Variants in DPP6 observed in about 807,000 individuals in gnomAD.
DPP6 encodes the protein dipeptidyl peptidase like 6.
DPP6 carries 69 observed loss-of-function variants against 122.6 expected under a neutral mutation model. The observed-to-expected ratio is 0.56, with a 90% CI of 0.46 to 0.69. DPP6 has a LOEUF of 0.69. DPP6 is among the 30% of genes least tolerant of loss of function. The pLI, the probability that DPP6 is intolerant of heterozygous loss-of-function variation, is 0.00. For synonymous variants in DPP6, 418 were observed against 433.1 expected (o/e 0.97, Z 0.43); for missense variants, 928 against 1,116.9 (o/e 0.83, Z 2.41).
chr7:153,832,467 A>G, the DPP6 span, among the ~76,000 whole-genome samples: 1 of 152,216 alleles, frequency 6.6e-6, no homozygotes, highest in South Asian at 2.1e-4. Context: ...AGATGTTTGC[A>G]TTTTATGAAA....
chr7:154,548,339 C>T lies in DPP6; in HGVS notation c.552+7713C>T, dbSNP rs146400031. On this transcript the variant is annotated intron_variant, in intron 4 of 25. Transcript: ENST00000377770. ...CAGCACTTTGGGAGGCTGAGGTGGGCGGATCACAAGGTTTAGGAGCTTGAA... is the reference window on the plus strand; with the variant it reads ...CAGCACTTTGGGAGGCTGAGGTGGGTGGATCACAAGGTTTAGGAGCTTGAA... 9.1e-3 allele frequency among the ~76,000 whole-genome samples: 1,383 copies of T among 151,714 alleles called. 20 individuals are homozygous for T. The highest frequency in any genetic ancestry group is 0.014 in the Middle Eastern group (4 of 290).
chr7:153,820,326 G>A, the DPP6 span, among the ~76,000 whole-genome samples: 2 of 152,196 alleles, frequency 1.3e-5, no homozygotes, highest in Admixed American at 6.5e-5. Flanking sequence ...TCTTCCAGCT[G>A]CTATAGCAAA....
chr7:154,782,020 A>G (rs1342335787), intron 10 of DPP6, among the ~76,000 whole-genome samples: 1 of 152,352 alleles, frequency 6.6e-6, no homozygotes, highest in South Asian at 2.1e-4. Flanking sequence ...CCTAGGACTC[A>G]TGGAATGTAA....
intron 3 of DPP6, among the ~76,000 whole-genome samples, chr7:154,534,632 T>G (rs1828093068): frequency 6.6e-6 from 1 of 152,144 alleles, no homozygotes; most frequent in African/African-American, 2.4e-5. Flanking sequence ...GAAAAAATAT[T>G]GGGAAATTTT....
intron 1 of DPP6, among the ~76,000 whole-genome samples, chr7:153,932,715 A>G (rs1801229922): frequency 6.6e-6 from 1 of 152,296 alleles, no homozygotes. Flanking sequence ...CAGAATGCAT[A>G]ACATTCAATG....
At chr7:153,943,026 A>G (rs1225829599) in intron 1 of DPP6, among the ~76,000 whole-genome samples, 2 of 151,838 alleles carry the variant, frequency 1.3e-5, no homozygotes, top group Non-Finnish European at 2.9e-5. Flanking sequence ...CCCCCTCTAC[A>G]CTTTCCCTAG....
chr7:154,869,693 C>G (rs1203544669), intron 18 of DPP6, among the ~76,000 whole-genome samples: 2 of 152,228 alleles, frequency 1.3e-5, no homozygotes, highest in African/African-American at 4.8e-5. Context: ...TCCCTGCAGC[C>G]CACCACAGGT....
Position 154,375,541 on chromosome 7 carries a change from C to T in DPP6, c.244-70673C>T, listed in dbSNP as rs977603711. Among the ~76,000 whole-genome samples, 7 of 152,058 alleles carry T rather than the reference C, an allele frequency of 4.6e-5. No individual in the cohort carries two copies. The East Asian group carries it at 5.8e-4, about 13-fold the overall frequency. On this transcript the variant is annotated intron_variant, in intron 1 of 25. Coordinates refer to ENST00000377770, the MANE Select transcript of DPP6 (RefSeq NM_130797.4). ...TTAGGGTGAGATGAGGTCATGAAGG[C>T]GTGGCCCCATGATGGGATCAGTATC...
intron 1 of DPP6, among the ~76,000 whole-genome samples, chr7:153,985,467 C>T (rs1269061297): frequency 1.3e-5 from 2 of 152,148 alleles, no homozygotes; most frequent in East Asian, 3.9e-4. Flanking sequence ...CCCCGGGTGG[C>T]CCAAGGCATC....
At chr7:154,314,052 C>G (rs1056836425) in intron 1 of DPP6, among the ~76,000 whole-genome samples, 3 of 152,060 alleles carry the variant, frequency 2.0e-5, no homozygotes, top group Non-Finnish European at 4.4e-5. Flanking sequence ...ATTCTTTCTG[C>G]TCATTACTAG....
intron 1 of DPP6, among the ~76,000 whole-genome samples, chr7:154,006,125 T>A (rs549965139): frequency 1.2e-3 from 187 of 152,260 alleles, no homozygotes; most frequent in African/African-American, 4.3e-3. Context: ...TGCTGACAGG[T>A]ACAGTTATGG....
At chr7:154,220,301 A>C (rs1415792380) in intron 1 of DPP6, among the ~76,000 whole-genome samples, 1 of 152,156 alleles carries the variant, frequency 6.6e-6, no homozygotes, top group African/African-American at 2.4e-5. Context: ...ACAGTAAGAA[A>C]ACACCTTAGC....
intron 1 of DPP6, among the ~76,000 whole-genome samples, chr7:154,281,118 T>C (rs4726397): frequency 0.024 from 3,701 of 152,042 alleles, 69 homozygotes; most frequent in Non-Finnish European, 0.038. Flanking sequence ...GTTCAAGCAA[T>C]TCTCCTGCCT....
At chr7:154,682,447 G>A (rs1257651435) in intron 7 of DPP6, among the ~76,000 whole-genome samples, 1 of 152,350 alleles carries the variant, frequency 6.6e-6, no homozygotes, top group Admixed American at 6.5e-5. Context: ...GTGAGGCCTC[G>A]TGGGCTTGTG....
chr7:154,389,417 A>G (rs919964927), intron 1 of DPP6, among the ~76,000 whole-genome samples: 4 of 151,252 alleles, frequency 2.6e-5, no homozygotes, highest in African/African-American at 9.7e-5. Context: ...CATCAGCTCA[A>G]CAAGTGCTTC....
At chr7:153,914,718 A>G (rs1223371055) in intron 1 of DPP6, among the ~76,000 whole-genome samples, 1 of 152,234 alleles carries the variant, frequency 6.6e-6, no homozygotes, top group Non-Finnish European at 1.5e-5. Context: ...TCTTCTTTAC[A>G]GATAAAGACA....
intron 1 of DPP6, among the ~76,000 whole-genome samples, chr7:154,410,881 G>T (rs1816538562): frequency 6.6e-6 from 1 of 152,194 alleles, no homozygotes. Flanking sequence ...GATTGTTGCA[G>T]TTCTTTATAA....
At chr7:154,473,838 C>T (rs1240090544) in intron 2 of DPP6, among the ~76,000 whole-genome samples, 2 of 152,112 alleles carry the variant, frequency 1.3e-5, no homozygotes, top group Non-Finnish European at 2.9e-5. Flanking sequence ...GCTCTAGAGC[C>T]ACTGAATGTG....
chr7:154,237,264 C>G, intron 1 of DPP6, among the ~76,000 whole-genome samples: 1 of 152,174 alleles, frequency 6.6e-6, no homozygotes, highest in African/African-American at 2.4e-5. Flanking sequence ...ATCTTGTTTA[C>G]AGGTGATGAC....
Sources: allele counts gnomAD v4.1 joint callset (sites outside exome capture counted in the v4.1 genomes callset), GRCh38; gene constraint gnomAD v4.1.1; transcripts MANE v1.5; gene names NCBI Gene and HGNC (gene_info 2026-07-23, HGNC 2026-07-21).